The following NCOA2 variants were observed in gnomAD, a reference collection of about 807,000 sequenced individuals.
NCOA2 encodes nuclear receptor coactivator 2, also known as class E basic helix-loop-helix protein 75.
In NCOA2, 21 loss-of-function variants were observed where a neutral mutation model predicts 145.1. The observed-to-expected ratio is 0.14, with a 90% CI of 0.10 to 0.21. The LOEUF is 0.21. Among genes scored for constraint, NCOA2 ranks in the 10% least tolerant of loss-of-function variants. The pLI, the probability that NCOA2 is intolerant of heterozygous loss-of-function variation, is 1.00. For synonymous variants in NCOA2, 619 were observed against 637.5 expected, an observed-to-expected ratio of 0.97 and a Z score of 0.44; for missense variants, 1,472 against 1,837.6, an observed-to-expected ratio of 0.80 and a Z score of 3.64.
Position 70,127,181 on chromosome 8 carries a change from G to A in NCOA2, c.3682-134C>T. 3 of 650,956 alleles carry A rather than the reference G, an allele frequency of 4.6e-6. No homozygotes were observed. The South Asian group carries it at 5.6e-5, about 12-fold the overall frequency. The allele number at this position is 650,956 out of a possible 1,614,324, so 40.3% of individuals were successfully genotyped here. The stretch of plus-strand genomic sequence containing the variant: ...TATTTGGAAAAAAATTACATGAAAG[G>A]AATGACTCAGAGTTGAACAACTAGT... On this transcript the variant is annotated intron_variant, in intron 18 of 22. Coordinates refer to ENST00000452400, the MANE Select transcript of NCOA2 (RefSeq NM_006540.4).
the NCOA2 span, among the ~76,000 whole-genome samples, chr8:70,450,925 G>A: frequency 6.6e-6 from 1 of 150,780 alleles, no homozygotes; most frequent in Admixed American, 6.6e-5. Context: ...TGTTCTTTAA[G>A]GTTAGAACTG....
intron 11 of NCOA2, among the ~76,000 whole-genome samples, chr8:70,150,856 A>C (rs1483971672): frequency 2.0e-5 from 3 of 152,192 alleles, no homozygotes; most frequent in Non-Finnish European, 4.4e-5. Flanking sequence ...CCAAATCAGT[A>C]ATTTTTTTCA....
At position 70,333,966 on chromosome 8, in the gene NCOA2, T is replaced by C. The variant is rs538010771; in HGVS notation, c.-76-37166A>G. On this transcript the variant is annotated intron_variant, in intron 1 of 22. Transcript: ENST00000452400. ...TAATCCTCTCTTCTTTTGGTGTCTGTTGCTACTACTACCCTAGTCCAGGTC... is the reference window on the plus strand; with the variant it reads ...TAATCCTCTCTTCTTTTGGTGTCTGCTGCTACTACTACCCTAGTCCAGGTC... Among the ~76,000 whole-genome samples, 127 of 152,308 alleles carry C rather than the reference T, an allele frequency of 8.3e-4. 1 individual carries two copies. Among genetic ancestry groups the C allele is most frequent in the African/African-American group, 3.0e-3 (123 of 41,582 alleles).
intron 2 of NCOA2, among the ~76,000 whole-genome samples, chr8:70,223,091 G>C (rs1004473219): frequency 6.6e-6 from 1 of 152,150 alleles, no homozygotes; most frequent in Admixed American, 6.5e-5. Context: ...CATAACGTAA[G>C]CATTTTCTCT....
At chr8:70,173,988 G>T (rs1204211490) in intron 5 of NCOA2, among the ~76,000 whole-genome samples, 1 of 152,130 alleles carries the variant, frequency 6.6e-6, no homozygotes, top group Non-Finnish European at 1.5e-5. Context: ...CAACCTCATC[G>T]TATCATCAGC....
intron 9 of NCOA2, among the ~76,000 whole-genome samples, chr8:70,161,818 C>T (rs771515917): frequency 2.0e-5 from 3 of 152,166 alleles, no homozygotes; most frequent in Non-Finnish European, 2.9e-5. Context: ...TGGCCAACCG[C>T]ACTGCTGGGA....
intron 2 of NCOA2, chr8:70,245,292 G>A (rs1266991681): frequency 1.3e-5 from 2 of 152,118 alleles, no homozygotes; most frequent in East Asian, 3.9e-4. Context: ...TTTTTTAGCT[G>A]CTGATCAGAC....
chr8:70,136,059 A>G (rs1162937860), intron 15 of NCOA2, among the ~76,000 whole-genome samples: 1 of 152,246 alleles, frequency 6.6e-6, no homozygotes, highest in Non-Finnish European at 1.5e-5. Flanking sequence ...TACATTTCAA[A>G]CAGGGGAAAA....
chr8:70,345,686 G>A (rs189415149), intron 1 of NCOA2, among the ~76,000 whole-genome samples: 130 of 151,794 alleles, frequency 8.6e-4, no homozygotes, highest in Admixed American at 2.3e-3. Context: ...TTTTTTAATC[G>A]GACATGATCT....
At chr8:70,449,313 C>G in the NCOA2 span, among the ~76,000 whole-genome samples, 1 of 152,190 alleles carries the variant, frequency 6.6e-6, no homozygotes, top group East Asian at 1.9e-4. Context: ...TAAGCACCTT[C>G]TAAAGTTTTG....
upstream of NCOA2, among the ~76,000 whole-genome samples, chr8:70,407,435 G>A (rs1036382752): frequency 6.6e-6 from 1 of 152,076 alleles, no homozygotes; most frequent in African/African-American, 2.4e-5. Flanking sequence ...AACTGCCTTC[G>A]CTGCATATCT....
At chr8:70,147,123 CGCGCGT>C (rs1563522254) in intron 12 of NCOA2, among the ~76,000 whole-genome samples, 3 of 146,234 alleles carry the variant, frequency 2.1e-5, no homozygotes, top group Admixed American at 6.9e-5. Flanking sequence ...CGCGCGCGCG[CGCGCGT>C]GTGTGTGTGT....
intron 9 of NCOA2, 66 bp from the exon 10 acceptor site, chr8:70,159,718 G>A (rs1812736342): frequency 7.1e-7 from 1 of 1,413,480 alleles, no homozygotes; most frequent in Admixed American, 2.1e-5. Flanking sequence ...GGGAGGACAA[G>A]ACATAATAAG....
upstream of NCOA2, among the ~76,000 whole-genome samples, chr8:70,408,404 GC>G (rs1376918708): frequency 1.4e-4 from 21 of 152,030 alleles, no homozygotes; most frequent in Admixed American, 1.3e-3. Flanking sequence ...ATTTACAAAA[GC>G]ATTTTAAAAA....
chr8:70,198,822 C>T (rs1817604397), intron 4 of NCOA2, among the ~76,000 whole-genome samples: 1 of 152,096 alleles, frequency 6.6e-6, no homozygotes, highest in Non-Finnish European at 1.5e-5. Context: ...AAGGATGAGG[C>T]AGTCTTTTCA....
intron 1 of NCOA2, among the ~76,000 whole-genome samples, chr8:70,381,209 A>G (rs1812165083): frequency 6.6e-6 from 1 of 152,126 alleles, no homozygotes; most frequent in African/African-American, 2.4e-5. Flanking sequence ...ACTTTTCCAT[A>G]GTAATTTTTT....
At chr8:70,201,960 T>C (rs1275493536) in intron 4 of NCOA2, among the ~76,000 whole-genome samples, 1 of 152,206 alleles carries the variant, frequency 6.6e-6, no homozygotes, top group East Asian at 1.9e-4. Context: ...TCTTGGCCTA[T>C]GATCATGTTT....
At chr8:70,270,008 CTGTTAAAAATTAGCCAGGCTCAT>C (rs1824916626) in intron 2 of NCOA2, among the ~76,000 whole-genome samples, 1 of 152,114 alleles carries the variant, frequency 6.6e-6, no homozygotes. Flanking sequence ...TAGACCTCAA[CTGTTAAAAATTAGCCAGGCTCAT>C]TTTTAAATTT....
the NCOA2 span, among the ~76,000 whole-genome samples, chr8:70,447,483 C>CCG: frequency 3.7e-4 from 56 of 152,254 alleles, no homozygotes; most frequent in East Asian, 9.6e-3. Flanking sequence ...TGTGTCCAGT[C>CCG]TGTTCGCCAT....
Sources: allele counts gnomAD v4.1 joint callset (sites outside exome capture counted in the v4.1 genomes callset), GRCh38; gene constraint gnomAD v4.1.1; transcripts MANE v1.5; gene names NCBI Gene and HGNC (gene_info 2026-07-23, HGNC 2026-07-21).